RSF1: variants seen among roughly 807,000 people sequenced by gnomAD.
The protein encoded by RSF1 is HBV pX-associated protein 8.
In RSF1, 13 loss-of-function variants were observed where a neutral mutation model predicts 145.2. The ratio of observed to expected loss-of-function variants is 0.09; its 90% confidence interval spans 0.06 to 0.14. The LOEUF is 0.14. Ranked by LOEUF, RSF1 falls within the 10% of genes least tolerant of loss-of-function variation. The pLI, the probability that RSF1 is intolerant of heterozygous loss-of-function variation, is 1.00. For missense variants in RSF1, 1,517 were observed against 1,718.2 expected, an observed-to-expected ratio of 0.88 and a Z score of 2.07; for synonymous variants, 577 against 592.6, an observed-to-expected ratio of 0.97 and a Z score of 0.38.
intron 1 of RSF1, among the ~76,000 whole-genome samples, chr11:77,798,832 G>A (rs1053519900): frequency 2.0e-5 from 3 of 151,458 alleles, no homozygotes; most frequent in Admixed American, 6.6e-5. Context: ...AGGGCTTGTC[G>A]GGAGGTGGGG....
the RSF1 span, among the ~76,000 whole-genome samples, chr11:77,856,406 A>G: frequency 1.3e-5 from 2 of 152,082 alleles, no homozygotes; most frequent in African/African-American, 4.8e-5. Flanking sequence ...CCTTCAAACT[A>G]TTCCACCCTC....
chr11:77,783,182 A>G (rs1948421297), intron 1 of RSF1, among the ~76,000 whole-genome samples: 2 of 152,284 alleles, frequency 1.3e-5, no homozygotes, highest in Admixed American at 6.5e-5. Flanking sequence ...TTACCCTTAC[A>G]TTATATTTGC....
intron 11 of RSF1, among the ~76,000 whole-genome samples, chr11:77,679,340 T>C (rs2135821965): frequency 6.6e-6 from 1 of 152,334 alleles, no homozygotes; most frequent in East Asian, 1.9e-4. Context: ...CATGGCAAAG[T>C]AAGTAAAACA....
intron 1 of RSF1, among the ~76,000 whole-genome samples, chr11:77,787,594 C>T (rs892578311): frequency 6.6e-6 from 1 of 151,998 alleles, no homozygotes; most frequent in Non-Finnish European, 1.5e-5. Flanking sequence ...AAAAATAGGT[C>T]TTGCCTTAAT....
At chr11:77,739,325 G>C (rs907683279) in intron 4 of RSF1, 19 of 152,582 alleles carry the variant, frequency 1.2e-4, no homozygotes, top group Admixed American at 1.2e-3. Flanking sequence ...AAGAAGAAAA[G>C]AATGTTTTAA....
chr11:77,845,457 C>A, the RSF1 span, among the ~76,000 whole-genome samples: 1 of 151,450 alleles, frequency 6.6e-6, no homozygotes, highest in Non-Finnish European at 1.5e-5. Flanking sequence ...GGGGGATAGA[C>A]TATTGCTCTG....
chr11:77,796,491 G>A (rs974248350), intron 1 of RSF1, among the ~76,000 whole-genome samples: 4 of 152,050 alleles, frequency 2.6e-5, no homozygotes, highest in African/African-American at 7.2e-5. Flanking sequence ...CAATAAACTA[G>A]ATATCGATGG....
chr11:77,799,247 C>T (rs562640866), intron 1 of RSF1, among the ~76,000 whole-genome samples: 5 of 152,012 alleles, frequency 3.3e-5, no homozygotes, highest in South Asian at 2.1e-4. Context: ...CAGTGGCTCA[C>T]GCTTGTAATC....
chr11:77,662,335 A>G lies in RSF1; in HGVS notation c.*4582T>C, dbSNP rs991051855. ...AAAAAAATTGTGCTCAGGTGTCCAA[A>G]AGGAGGAAAAAAGGTCCACAAATTG... is the stretch of plus-strand genomic sequence containing the variant. On this transcript the variant is annotated 3_prime_UTR_variant, in exon 16 of 16. Transcript: ENST00000308488. The G allele has an allele frequency of 2.0e-5, 3 of 152,094 alleles. No individual in the cohort carries two copies. The highest frequency in any genetic ancestry group is 4.4e-5 in the Non-Finnish European group (3 of 67,986). 9.4% of individuals were successfully genotyped at this position (152,094 alleles called of 1,614,324 possible).
the RSF1 span, among the ~76,000 whole-genome samples, chr11:77,836,783 T>C: frequency 3.3e-5 from 5 of 152,102 alleles, no homozygotes; most frequent in African/African-American, 1.2e-4. Flanking sequence ...CTGAACAACA[T>C]GGAGAAACGC....
At chr11:77,792,610 A>T (rs1257398537) in intron 1 of RSF1, among the ~76,000 whole-genome samples, 1 of 152,180 alleles carries the variant, frequency 6.6e-6, no homozygotes, top group African/African-American at 2.4e-5. Context: ...GTCAAGGACA[A>T]AACAGGTACC....
chr11:77,792,254 GC>G (rs1027647311), intron 1 of RSF1, among the ~76,000 whole-genome samples: 36 of 152,122 alleles, frequency 2.4e-4, no homozygotes, highest in African/African-American at 7.7e-4. Flanking sequence ...AGAAAGACCT[GC>G]CCCCATGATT....
rs1590857617 is a variant in RSF1 at position 77,734,916 on chromosome 11, G to A, written c.578+5815C>T. 1.9e-6 allele frequency: 3 copies of A among 1,582,960 alleles called. No homozygotes were observed. In the Admixed American group the frequency reaches 5.0e-5, roughly 26 times the overall value. On this transcript the variant is annotated intron_variant, in intron 4 of 15. Transcript: ENST00000308488. Reference sequence around the variant, plus strand: ...CATCACGGTCAAAGCAGTAAGACATGGACAGGTAAACGTAGGAGGCACAGA... The same window carrying A: ...CATCACGGTCAAAGCAGTAAGACATAGACAGGTAAACGTAGGAGGCACAGA...
In RSF1 at chr11:77,701,872, G is replaced by C. The variant is rs776962566; in HGVS notation, c.1357C>G (p.Pro453Ala). The C allele has an allele frequency of 1.2e-6, 2 of 1,613,982 alleles. No homozygotes were observed. The highest frequency in any genetic ancestry group is 1.7e-5 in the Admixed American group (1 of 60,002). Reference sequence around the variant, plus strand: ...TCTATTGGTTCTGTCTTAAAATTTGGAGCTACCCTTTCATCACTAACTTCT... The same window carrying C: ...TCTATTGGTTCTGTCTTAAAATTTGCAGCTACCCTTTCATCACTAACTTCT... Reference protein sequence around the residue: ...NGEVSDERVAPNFKTEPIETK... With the variant: ...NGEVSDERVAANFKTEPIETK... Residue 453 changes from proline (P) to alanine (A), a missense_variant, in exon 6 of 16, where the codon CCA becomes GCA. This residue lies in a region of RSF1 where 579 missense variants were observed against 553.5 expected (regional missense o/e 1.05). Transcript: ENST00000308488.
intron 2 of RSF1, among the ~76,000 whole-genome samples, chr11:77,756,601 G>T (rs1161207808): frequency 6.6e-6 from 1 of 152,036 alleles, no homozygotes; most frequent in Non-Finnish European, 1.5e-5. Context: ...GTAGTAAAAT[G>T]GGTAAACTAG....
At chr11:77,748,229 CTTT>C (rs1351360671) in intron 2 of RSF1, among the ~76,000 whole-genome samples, 1 of 121,318 alleles carries the variant, frequency 8.2e-6, no homozygotes, top group Non-Finnish European at 1.8e-5. Context: ...TTTTTTTTTT[CTTT>C]TTTTTTTTTT....
the RSF1 span, among the ~76,000 whole-genome samples, chr11:77,871,202 T>C: frequency 6.6e-6 from 1 of 152,194 alleles, no homozygotes; most frequent in African/African-American, 2.4e-5. Flanking sequence ...ATAGAAAATA[T>C]AGGGCATATT....
the RSF1 span, chr11:77,866,332 T>C: frequency 6.6e-6 from 1 of 152,042 alleles, no homozygotes; most frequent in Non-Finnish European, 1.5e-5. Context: ...CCTCTTAAAG[T>C]AGAGGAACAG....
At chr11:77,813,952 G>C (rs1005977692) in intron 1 of RSF1, among the ~76,000 whole-genome samples, 2 of 152,030 alleles carry the variant, frequency 1.3e-5, no homozygotes, top group African/African-American at 4.8e-5. Flanking sequence ...TGCAATCCCA[G>C]CACTTTGAGA....
Sources: allele counts gnomAD v4.1 joint callset (sites outside exome capture counted in the v4.1 genomes callset), GRCh38; gene constraint gnomAD v4.1.1; regional missense constraint gnomAD v4.1.1; transcripts MANE v1.5; gene names NCBI Gene and HGNC (gene_info 2026-07-23, HGNC 2026-07-21).